The following GRM1 variants were observed in gnomAD, a reference collection of about 807,000 sequenced individuals.
GRM1 encodes the protein metabotropic glutamate receptor 1.
GRM1 carries 33 observed loss-of-function variants against 90.9 expected under a neutral mutation model. The observed-to-expected ratio is 0.36, with a 90% CI of 0.28 to 0.49. GRM1 has a LOEUF of 0.49. Ranked by LOEUF, GRM1 falls within the 20% of genes least tolerant of loss-of-function variation. The probability of loss-of-function intolerance (pLI) is 0.99; values close to 1 mark genes in which losing one functional copy is unlikely to be tolerated. For missense variants in GRM1, 1,190 were observed against 1,534.3 expected (o/e 0.78, Z 3.75); for synonymous variants, 700 against 613.2 (o/e 1.14, Z -2.09).
At chr6:146,287,409 G>A (rs1782805636) in intron 2 of GRM1, among the ~76,000 whole-genome samples, 1 of 152,126 alleles carries the variant, frequency 6.6e-6, no homozygotes, top group South Asian at 2.1e-4. Flanking sequence ...AGGGTCTTAA[G>A]GTACAGATAT....
chr6:146,434,121 G>C lies in GRM1; in HGVS notation c.2910G>C (p.Pro970=). ...ATGCCCAGCCGATTCGCTTTAGCCC[G>C]CCTGGTAGCCCTTCCATGGTGGTGC... The part of the protein sequence containing the change: ...EEDAQPIRFS[P]PGSPSMVVHR... The change falls in exon 8 of 8, where the codon CCG becomes CCC. Residue 970 remains proline (P), a synonymous_variant. Transcript: ENST00000282753. 3 of 1,614,112 alleles carry C rather than the reference G, an allele frequency of 1.9e-6. No individual in the cohort carries two copies. The highest frequency in any genetic ancestry group is 2.5e-6 in the Non-Finnish European group (3 of 1,180,016).
intron 1 of GRM1, among the ~76,000 whole-genome samples, chr6:146,069,843 T>C (rs1295729465): frequency 2.6e-5 from 4 of 152,198 alleles, no homozygotes; most frequent in Non-Finnish European, 5.9e-5. Flanking sequence ...GCTGTGCAAG[T>C]TGTTTTAAAT....
chr6:146,380,367 C>G (rs1776275212), intron 5 of GRM1, among the ~76,000 whole-genome samples: 1 of 143,404 alleles, frequency 7.0e-6, no homozygotes, highest in Admixed American at 7.0e-5. Context: ...GGGCACCCAT[C>G]AGAGAGCCCT....
intron 1 of GRM1, among the ~76,000 whole-genome samples, chr6:146,143,548 G>A (rs921019343): frequency 6.6e-6 from 1 of 152,282 alleles, no homozygotes; most frequent in African/African-American, 2.4e-5. Context: ...TGTTTCTGCA[G>A]GGCAGTATCT....
At chr6:146,206,944 GC>G (rs1032497106) in intron 2 of GRM1, among the ~76,000 whole-genome samples, 5 of 152,108 alleles carry the variant, frequency 3.3e-5, no homozygotes, top group African/African-American at 1.2e-4. Context: ...AAGGAAAATA[GC>G]CTCCAGCCCC....
At chr6:146,273,562 A>G (rs903683340) in intron 2 of GRM1, among the ~76,000 whole-genome samples, 5 of 152,228 alleles carry the variant, frequency 3.3e-5, no homozygotes, top group Admixed American at 3.3e-4. Context: ...AAACACCCAC[A>G]GAGTTGATTC....
intron 7 of GRM1, among the ~76,000 whole-genome samples, chr6:146,404,596 A>G (rs1777272055): frequency 1.3e-5 from 2 of 152,294 alleles, no homozygotes; most frequent in African/African-American, 4.8e-5. Context: ...ATGCTAGACT[A>G]TTTTATATAG....
intron 2 of GRM1, among the ~76,000 whole-genome samples, chr6:146,294,539 TAAG>T (rs150281106): frequency 0.053 from 8,084 of 152,182 alleles, 693 homozygotes; most frequent in African/African-American, 0.18. Context: ...TCTCCTCTGT[TAAG>T]AAGGAGACCT....
chr6:146,073,503 G>T (rs948056844), intron 1 of GRM1, among the ~76,000 whole-genome samples: 2 of 151,944 alleles, frequency 1.3e-5, no homozygotes, highest in African/African-American at 4.8e-5. Flanking sequence ...CTAATATTTG[G>T]CCTATTTATA....
chr6:146,129,855 G>A (rs1776328729), intron 1 of GRM1, among the ~76,000 whole-genome samples: 2 of 152,106 alleles, frequency 1.3e-5, no homozygotes, highest in Non-Finnish European at 2.9e-5. Flanking sequence ...CAGTATCATG[G>A]TGTGTCCTGA....
At chr6:146,191,785 A>C (rs963799913) in intron 2 of GRM1, among the ~76,000 whole-genome samples, 23 of 151,308 alleles carry the variant, frequency 1.5e-4, no homozygotes, top group African/African-American at 4.9e-4. Flanking sequence ...CCTTTCTTTC[A>C]TGCTGACACT....
At chr6:146,178,100 T>A (rs1241221744) in intron 2 of GRM1, among the ~76,000 whole-genome samples, 1 of 152,228 alleles carries the variant, frequency 6.6e-6, no homozygotes, top group Non-Finnish European at 1.5e-5. Context: ...TCATAGTTTT[T>A]ACTTACTGTC....
chr6:146,209,518 C>T (rs964799203), intron 2 of GRM1, among the ~76,000 whole-genome samples: 3 of 151,744 alleles, frequency 2.0e-5, no homozygotes, highest in African/African-American at 7.3e-5. Flanking sequence ...TGGCTTCAGG[C>T]ACATGAGATA....
At chr6:146,077,104 T>G (rs1251661049) in intron 1 of GRM1, among the ~76,000 whole-genome samples, 1 of 152,226 alleles carries the variant, frequency 6.6e-6, no homozygotes, top group Non-Finnish European at 1.5e-5. Context: ...TTTCTCATTT[T>G]CAATTAAATT....
At chr6:146,391,553 A>G (rs1255563206) in intron 6 of GRM1, among the ~76,000 whole-genome samples, 1 of 152,008 alleles carries the variant, frequency 6.6e-6, no homozygotes, top group African/African-American at 2.4e-5. Flanking sequence ...AGGTTGGATA[A>G]CTCTTTTTTA....
At chr6:146,144,241 A>T (rs961635074) in intron 1 of GRM1, among the ~76,000 whole-genome samples, 1 of 152,156 alleles carries the variant, frequency 6.6e-6, no homozygotes, top group African/African-American at 2.4e-5. Context: ...TCTTCTTAGA[A>T]GGCTTCTAAT....
At chr6:146,051,753 A>AACATATGTAT (rs1434614292) in intron 1 of GRM1, among the ~76,000 whole-genome samples, 1 of 152,082 alleles carries the variant, frequency 6.6e-6, no homozygotes, top group African/African-American at 2.4e-5. Flanking sequence ...TTTAGCTATG[A>AACATATGTAT]ACATATGTAT....
chr6:146,317,467 A>G (rs537194217), intron 3 of GRM1, among the ~76,000 whole-genome samples: 1 of 152,116 alleles, frequency 6.6e-6, no homozygotes, highest in East Asian at 1.9e-4. Flanking sequence ...TGCTTCCTGT[A>G]TCTATATGCC....
At chr6:146,233,986 G>A (rs983909267) in intron 2 of GRM1, among the ~76,000 whole-genome samples, 1 of 151,912 alleles carries the variant, frequency 6.6e-6, no homozygotes, top group Non-Finnish European at 1.5e-5. Flanking sequence ...TCTATTATTA[G>A]ATCCATACAC....
Sources: gnomAD v4.1 joint callset for allele counts (sites outside exome capture counted in the v4.1 genomes callset) on GRCh38, gnomAD v4.1.1 for gene constraint, MANE v1.5 for transcripts, NCBI Gene and HGNC (gene_info 2026-07-23, HGNC 2026-07-21) for gene names.